GALNT17: variants seen among roughly 807,000 people sequenced by gnomAD.
GALNT17 encodes the protein UDP-GalNAc:polypeptide N-acetylgalactosaminyltransferase-like 3.
In GALNT17, 29 loss-of-function variants were observed where a neutral mutation model predicts 63.7. The observed-to-expected ratio is 0.46, with a 90% CI of 0.34 to 0.62. The LOEUF (loss-of-function observed/expected upper bound fraction) is 0.62, where lower values mean the gene tolerates loss of function less well. Among genes scored for constraint, GALNT17 ranks in the 20% least tolerant of loss-of-function variants. GALNT17 has a pLI of 0.01. For missense variants in GALNT17, 603 were observed against 799.6 expected (o/e 0.75, Z 2.97); for synonymous variants, 305 against 318.3 (o/e 0.96, Z 0.45).
chr7:71,431,228 T>TG (rs1786859348), intron 5 of GALNT17, among the ~76,000 whole-genome samples: 1 of 147,602 alleles, frequency 6.8e-6, no homozygotes, highest in Non-Finnish European at 1.5e-5. Flanking sequence ...TTTTTTTTTT[T>TG]TGAGACAGAG....
rs560478386 is a variant in GALNT17 at position 71,591,143 on chromosome 7, A to T, written c.1080+19741A>T. 9.3e-5 allele frequency among the ~76,000 whole-genome samples: 14 copies of T among 150,572 alleles called. No homozygotes were observed. The South Asian group carries it at 3.0e-3, about 32-fold the overall frequency. On this transcript the variant is annotated intron_variant, in intron 6 of 10. Coordinates refer to ENST00000333538, the MANE Select transcript of GALNT17 (RefSeq NM_022479.3). ...TTCATCTCGGCTCACTGCAACCTCC[A>T]CCTCATGGGTTCAAGCGATTCTCCT...
intron 5 of GALNT17, among the ~76,000 whole-genome samples, chr7:71,479,647 G>A (rs1294013716): frequency 6.6e-6 from 1 of 152,066 alleles, no homozygotes; most frequent in East Asian, 1.9e-4. Context: ...AACCTCTGTA[G>A]AAATGCCCAG....
At chr7:71,328,296 G>A (rs1791738895) in intron 1 of GALNT17, among the ~76,000 whole-genome samples, 1 of 152,156 alleles carries the variant, frequency 6.6e-6, no homozygotes, top group Admixed American at 6.6e-5. Flanking sequence ...AAATAACTCA[G>A]GCGGAAAAGA....
intron 1 of GALNT17, among the ~76,000 whole-genome samples, chr7:71,221,686 ACC>A (rs1345701385): frequency 6.6e-6 from 1 of 152,130 alleles, no homozygotes; most frequent in Non-Finnish European, 1.5e-5. Flanking sequence ...GAGGAATCTG[ACC>A]CAGAAACTCA....
intron 1 of GALNT17, among the ~76,000 whole-genome samples, chr7:71,298,833 G>A (rs1337044516): frequency 6.6e-6 from 1 of 151,998 alleles, no homozygotes. Flanking sequence ...TTCAGAGTTT[G>A]GTAGCCCAAT....
At chr7:71,583,527 T>C (rs931159342) in intron 6 of GALNT17, among the ~76,000 whole-genome samples, 1 of 152,188 alleles carries the variant, frequency 6.6e-6, no homozygotes, top group Admixed American at 6.5e-5. Flanking sequence ...CAGCTTTCAC[T>C]GTTACACAAC....
chr7:71,592,496 AAAAATAAAATAAAAT>A (rs374557191), intron 6 of GALNT17, among the ~76,000 whole-genome samples: 7 of 90,958 alleles, frequency 7.7e-5, no homozygotes, highest in Admixed American at 5.5e-4. Context: ...ACTCCATTTC[AAAAATAAAATAAAAT>A]AAAATAAAAT....
At chr7:71,596,866 G>T (rs1789894187) in intron 6 of GALNT17, among the ~76,000 whole-genome samples, 1 of 152,050 alleles carries the variant, frequency 6.6e-6, no homozygotes, top group Non-Finnish European at 1.5e-5. Context: ...CCCACTCAGG[G>T]TTGAGGCTTT....
chr7:71,565,584 G>A (rs1191752694), intron 5 of GALNT17, among the ~76,000 whole-genome samples: 1 of 149,336 alleles, frequency 6.7e-6, no homozygotes, highest in Non-Finnish European at 1.5e-5. Context: ...CCTACCAGGA[G>A]TCCTCCCCAG....
intron 5 of GALNT17, among the ~76,000 whole-genome samples, chr7:71,425,961 C>CA (rs901688120): frequency 2.0e-5 from 3 of 152,140 alleles, no homozygotes; most frequent in African/African-American, 7.2e-5. Flanking sequence ...GCACGTATTA[C>CA]ATGGCCAGAG....
intron 6 of GALNT17, among the ~76,000 whole-genome samples, chr7:71,573,576 T>C (rs1040620959): frequency 6.6e-6 from 1 of 152,040 alleles, no homozygotes; most frequent in African/African-American, 2.4e-5. Flanking sequence ...CCTTGTGATC[T>C]GCCCACCTCA....
At chr7:71,242,331 G>A (rs1234190249) in intron 1 of GALNT17, among the ~76,000 whole-genome samples, 4 of 141,008 alleles carry the variant, frequency 2.8e-5, no homozygotes, top group African/African-American at 1.1e-4. Flanking sequence ...GTGCAGTGGC[G>A]CCATCTCAGC....
intron 9 of GALNT17, among the ~76,000 whole-genome samples, chr7:71,681,154 G>A (rs1791255857): frequency 6.6e-6 from 1 of 152,148 alleles, no homozygotes; most frequent in South Asian, 2.1e-4. Context: ...TCCCACCTTG[G>A]CCTCCCAGAG....
chr7:71,232,185 G>T (rs1922516), intron 1 of GALNT17, among the ~76,000 whole-genome samples: 1 of 152,102 alleles, frequency 6.6e-6, no homozygotes, highest in African/African-American at 2.4e-5. Flanking sequence ...GTGTGGATGC[G>T]CAGTCCTTCT....
At chr7:71,220,371 C>T (rs574187375) in intron 1 of GALNT17, among the ~76,000 whole-genome samples, 1 of 152,306 alleles carries the variant, frequency 6.6e-6, no homozygotes, top group Admixed American at 6.5e-5. Context: ...ACAACAGAAA[C>T]TGGTTTGGCT....
At chr7:71,404,121 T>C (rs1167211794) in intron 3 of GALNT17, among the ~76,000 whole-genome samples, 1 of 152,156 alleles carries the variant, frequency 6.6e-6, no homozygotes, top group African/African-American at 2.4e-5. Flanking sequence ...TTATGCGTAC[T>C]ATGATGTTTC....
intron 3 of GALNT17, among the ~76,000 whole-genome samples, chr7:71,412,469 TC>T (rs1198273712): frequency 1.3e-5 from 2 of 151,788 alleles, no homozygotes; most frequent in Admixed American, 6.6e-5. Flanking sequence ...CCCACCAGGA[TC>T]ATGCGATTCT....
At chr7:71,331,386 C>T (rs1791805199) in intron 1 of GALNT17, among the ~76,000 whole-genome samples, 1 of 152,238 alleles carries the variant, frequency 6.6e-6, no homozygotes, top group African/African-American at 2.4e-5. Context: ...CCTTTATCCT[C>T]CTTTAATTGC....
chr7:71,354,099 A>G (rs558166317), intron 2 of GALNT17, among the ~76,000 whole-genome samples: 1 of 152,162 alleles, frequency 6.6e-6, no homozygotes, highest in Non-Finnish European at 1.5e-5. Flanking sequence ...ATGGTGTTAA[A>G]CCGTAAGAAA....
Sources: gnomAD v4.1 joint callset for allele counts (sites outside exome capture counted in the v4.1 genomes callset) on GRCh38, gnomAD v4.1.1 for gene constraint, MANE v1.5 for transcripts, NCBI Gene and HGNC (gene_info 2026-07-23, HGNC 2026-07-21) for gene names.